SLC9C1: variants seen among roughly 807,000 people sequenced by gnomAD.
SLC9C1 encodes the protein sodium/hydrogen exchanger 10.
In SLC9C1, 97 loss-of-function variants were observed where a neutral mutation model predicts 140.9. The ratio of observed to expected loss-of-function variants is 0.69; its 90% CI spans 0.58 to 0.82. The LOEUF (loss-of-function observed/expected upper bound fraction) is 0.82, where lower values mean the gene tolerates loss of function less well. Ranked by LOEUF, SLC9C1 falls within the 40% of genes least tolerant of loss-of-function variation. The pLI is 0.00. For synonymous variants in SLC9C1, 440 were observed against 442.6 expected (o/e 0.99, Z 0.07); for missense variants, 1,340 against 1,389.3 (o/e 0.96, Z 0.56).
intron 3 of SLC9C1, among the ~76,000 whole-genome samples, chr3:112,280,431 ATGTATGTACTCAGTAGC>A (rs1284700917): frequency 6.6e-5 from 10 of 151,340 alleles, no homozygotes; most frequent in South Asian, 4.2e-4. Context: ...TAATACTTTT[ATGTATGTACTCAGTAGC>A]TGTATGTACT....
chr3:112,193,634 G>T (rs371351670), intron 20 of SLC9C1, among the ~76,000 whole-genome samples: 1 of 152,212 alleles, frequency 6.6e-6, no homozygotes, highest in East Asian at 1.9e-4. Flanking sequence ...GGGTCATTGG[G>T]CAGGCCAGGG....
At chr3:112,168,838 G>T in intron 25 of SLC9C1, 39 bp downstream of exon 25, 1 of 1,491,108 alleles carries the variant, frequency 6.7e-7, no homozygotes, top group South Asian at 1.3e-5. Flanking sequence ...TTGGACATAT[G>T]GCATATTGAT....
intron 12 of SLC9C1, among the ~76,000 whole-genome samples, chr3:112,236,090 A>T (rs965191957): frequency 2.0e-5 from 3 of 152,106 alleles, no homozygotes; most frequent in Non-Finnish European, 4.4e-5. Flanking sequence ...CTGTGAATCC[A>T]TCTGGTCCTG....
At chr3:112,163,695 T>C (rs1469919642) in intron 26 of SLC9C1, among the ~76,000 whole-genome samples, 1 of 152,154 alleles carries the variant, frequency 6.6e-6, no homozygotes. Flanking sequence ...CTTCCCAGTA[T>C]GTGGTCAATT....
intron 15 of SLC9C1, among the ~76,000 whole-genome samples, chr3:112,212,981 A>G (rs984552036): frequency 2.8e-4 from 43 of 152,374 alleles, no homozygotes; most frequent in African/African-American, 1.0e-3. Context: ...CCACAAAGGG[A>G]AGCCCATCAG....
chr3:112,226,087 C>T (rs185936718), intron 13 of SLC9C1, among the ~76,000 whole-genome samples: 1 of 152,168 alleles, frequency 6.6e-6, no homozygotes, highest in East Asian at 1.9e-4. Flanking sequence ...CAGCAGAATA[C>T]ATGTTCTTCT....
intron 14 of SLC9C1, among the ~76,000 whole-genome samples, chr3:112,220,017 C>T (rs1488987366): frequency 1.3e-5 from 2 of 152,066 alleles, no homozygotes; most frequent in Non-Finnish European, 2.9e-5. Context: ...TCACATTTGC[C>T]CAGCCCTCTC....
intron 10 of SLC9C1, among the ~76,000 whole-genome samples, chr3:112,257,605 C>T (rs10934155): frequency 0.3 from 45,217 of 151,982 alleles, 7,282 homozygotes; most frequent in East Asian, 0.43. Flanking sequence ...CCCTGGAAGA[C>T]GACCTAGGCA....
chr3:112,230,904 G>A (rs527730629), intron 13 of SLC9C1, among the ~76,000 whole-genome samples: 1 of 152,236 alleles, frequency 6.6e-6, no homozygotes, highest in East Asian at 1.9e-4. Flanking sequence ...TCTTCAGTCA[G>A]CTATTAGAGG....
Position 112,268,364 on chromosome 3 carries a change from A to C in SLC9C1, c.775+1552T>G, listed in dbSNP as rs938902865. On this transcript the variant is annotated intron_variant, in intron 7 of 28. Coordinates refer to ENST00000305815, the MANE Select transcript of SLC9C1 (RefSeq NM_183061.3). ...TTTCCTCTTCAGAGGGAAAAATAAT[A>C]AATTCCCATTACTCTAGCACTTCTG... is the stretch of plus-strand genomic sequence containing the variant. Among the ~76,000 whole-genome samples the C allele has an allele frequency of 3.3e-5, 5 of 152,288 alleles. 1 individual carries two copies. Among genetic ancestry groups the C allele is most frequent in the Admixed American group, 6.5e-5 (1 of 15,296 alleles).
chr3:112,263,448 G>C (rs982557947), intron 9 of SLC9C1, among the ~76,000 whole-genome samples: 2 of 151,792 alleles, frequency 1.3e-5, no homozygotes, highest in African/African-American at 4.8e-5. Context: ...AATAAGAAGT[G>C]AGAAAATGTT....
chr3:112,162,712 G>A (rs1471466343), intron 26 of SLC9C1, among the ~76,000 whole-genome samples: 1 of 151,370 alleles, frequency 6.6e-6, no homozygotes, highest in African/African-American at 2.4e-5. Context: ...TGTTCATCAA[G>A]GATATTGGTC....
chr3:112,162,417 T>C (rs1418025915), intron 26 of SLC9C1, among the ~76,000 whole-genome samples: 1 of 152,286 alleles, frequency 6.6e-6, no homozygotes, highest in Admixed American at 6.5e-5. Flanking sequence ...TTGTCATAGA[T>C]AGCTCTTATT....
chr3:112,264,397 T>A, intron 8 of SLC9C1, 54 bp from the exon 9 acceptor site: 1 of 1,084,862 alleles, frequency 9.2e-7, no homozygotes, highest in Non-Finnish European at 1.2e-6. Flanking sequence ...TTTGACATCT[T>A]TATTACAAGG....
intron 8 of SLC9C1, 86 bp from the exon 9 acceptor site, chr3:112,264,429 G>T: frequency 1.3e-6 from 1 of 746,584 alleles, no homozygotes; most frequent in Non-Finnish European, 1.9e-6. Flanking sequence ...GAATCATTGT[G>T]CTAATGATTA....
chr3:112,169,971 C>A (rs2107922264), intron 23 of SLC9C1, among the ~76,000 whole-genome samples: 1 of 151,956 alleles, frequency 6.6e-6, no homozygotes, highest in East Asian at 1.9e-4. Context: ...TTATCTCTCA[C>A]CACATTAAAA....
In SLC9C1 at chr3:112,231,437, C is replaced by G; in HGVS notation, c.1496G>C (p.Cys499Ser). 1 of 1,613,068 alleles carries G rather than the reference C, an allele frequency of 6.2e-7. No homozygotes were observed. The part of the protein sequence containing the change: ...TEHQKVKCPH[C>S]NKEIDEIFNT... ...AAAGATCTCATCTATTTCCTTGTTACAGTGTGGACATTTCACCTTCTGATG... is the reference window on the plus strand; with the variant it reads ...AAAGATCTCATCTATTTCCTTGTTAGAGTGTGGACATTTCACCTTCTGATG... The change falls in exon 13 of 29, where the codon TGT (cysteine) becomes TCT (serine). Residue 499 changes from cysteine to serine, a missense_variant. Cys to Ser is a moderately radical substitution (Grantham distance 112). Coordinates refer to ENST00000305815, the MANE Select transcript of SLC9C1 (RefSeq NM_183061.3).
chr3:112,167,416 C>G (rs2077160294), intron 25 of SLC9C1, 69 bp from the exon 26 acceptor site: 1 of 1,452,384 alleles, frequency 6.9e-7, no homozygotes, highest in East Asian at 2.4e-5. Flanking sequence ...ACCTAGTAAG[C>G]TGCTATTTCT....
intron 20 of SLC9C1, chr3:112,185,745 G>A: frequency 6.5e-7 from 1 of 1,539,890 alleles, no homozygotes; most frequent in Non-Finnish European, 8.7e-7. Context: ...CCCCCGGCCT[G>A]CCGGGCTGTC....
Sources: gnomAD v4.1 joint callset for allele counts (sites outside exome capture counted in the v4.1 genomes callset) on GRCh38, gnomAD v4.1.1 for gene constraint, MANE v1.5 for transcripts, NCBI Gene and HGNC (gene_info 2026-07-23, HGNC 2026-07-21) for gene names.